Variants in UXS1 observed in about 807,000 individuals in gnomAD.
The protein encoded by UXS1 is UDP-glucuronic acid decarboxylase 1.
In UXS1, 33 loss-of-function variants were observed where a neutral mutation model predicts 62.6. That is an observed-to-expected ratio of 0.53 (90% confidence interval 0.40 to 0.70). The LOEUF (loss-of-function observed/expected upper bound fraction) is 0.70, where lower values mean the gene tolerates loss of function less well. Among genes scored for constraint, UXS1 ranks in the 30% least tolerant of loss-of-function variants. The pLI is 0.00. For missense variants in UXS1, 434 were observed against 556.3 expected, an observed-to-expected ratio of 0.78 and a Z score of 2.21; for synonymous variants, 213 against 206.8, an observed-to-expected ratio of 1.03 and a Z score of -0.26.
At chr2:106,117,797 G>A (rs553416193) in intron 9 of UXS1, among the ~76,000 whole-genome samples, 1 of 152,346 alleles carries the variant, frequency 6.6e-6, no homozygotes, top group South Asian at 2.1e-4. Context: ...GGCCTGTCAT[G>A]CATACATCTC....
intron 5 of UXS1, among the ~76,000 whole-genome samples, chr2:106,155,062 T>C (rs1682329891): frequency 6.6e-6 from 1 of 152,064 alleles, no homozygotes; most frequent in South Asian, 2.1e-4. Context: ...TTTTTAACAA[T>C]CAGGTCTTGT....
At chr2:106,104,931 A>T in intron 10 of UXS1, 94 bp from the exon 11 acceptor site, 5 of 1,484,964 alleles carry the variant, frequency 3.4e-6, no homozygotes, top group Non-Finnish European at 4.7e-6. Context: ...CCGACCTTGA[A>T]ACTGATCCCA....
chr2:106,151,359 A>G (rs1682002539), intron 5 of UXS1, among the ~76,000 whole-genome samples: 1 of 152,202 alleles, frequency 6.6e-6, no homozygotes, highest in Non-Finnish European at 1.5e-5. Context: ...CCAATGCAAC[A>G]GTATTGGGAG....
intron 10 of UXS1, among the ~76,000 whole-genome samples, chr2:106,108,868 G>GA (rs1558683070): frequency 2.6e-5 from 4 of 152,024 alleles, no homozygotes; most frequent in Non-Finnish European, 5.9e-5. Flanking sequence ...CTTCTCCTAG[G>GA]CCCATTTGTG....
chr2:106,144,442 G>A (rs918791305), intron 6 of UXS1, among the ~76,000 whole-genome samples: 2 of 152,118 alleles, frequency 1.3e-5, no homozygotes, highest in African/African-American at 2.4e-5. Context: ...TCACTCAAAC[G>A]AAAAGGCAAA....
At chr2:106,114,794 T>A (rs548995566) in intron 9 of UXS1, among the ~76,000 whole-genome samples, 3 of 152,214 alleles carry the variant, frequency 2.0e-5, no homozygotes, top group Admixed American at 2.0e-4. Context: ...AGCCGTTGAG[T>A]GCAACAACAC....
chr2:106,185,569 A>C (rs1684503488), intron 1 of UXS1, among the ~76,000 whole-genome samples: 1 of 152,274 alleles, frequency 6.6e-6, no homozygotes, highest in African/African-American at 2.4e-5. Flanking sequence ...GACTAAAAGA[A>C]GCTACGGGTC....
chr2:106,104,088 G>T (rs1677835921), intron 11 of UXS1, among the ~76,000 whole-genome samples: 1 of 152,090 alleles, frequency 6.6e-6, no homozygotes, highest in African/African-American at 2.4e-5. Context: ...AAAATATGTG[G>T]GTTCAAAATA....
At chr2:106,144,869 G>A (rs1681434605) in intron 6 of UXS1, among the ~76,000 whole-genome samples, 1 of 152,140 alleles carries the variant, frequency 6.6e-6, no homozygotes, top group Admixed American at 6.5e-5. Flanking sequence ...TGTGGGGCTT[G>A]GGATGCCAAC....
At chr2:106,163,522 T>C (rs757868418) in intron 4 of UXS1, 145 bp downstream of exon 4, 7 of 493,616 alleles carry the variant, frequency 1.4e-5, no homozygotes, top group Non-Finnish European at 2.2e-5. Context: ...CCATGTTCTA[T>C]CTGGGTATTA....
At chr2:106,162,221 T>A (rs1682942551) in intron 4 of UXS1, among the ~76,000 whole-genome samples, 2 of 152,218 alleles carry the variant, frequency 1.3e-5, no homozygotes, top group South Asian at 4.1e-4. Context: ...TTTGCCACTA[T>A]TTTCAAGGCG....
chr2:106,103,725 G>A (rs1677807284), intron 11 of UXS1, among the ~76,000 whole-genome samples: 1 of 152,170 alleles, frequency 6.6e-6, no homozygotes, highest in Non-Finnish European at 1.5e-5. Context: ...TTAATGGGTG[G>A]GGAGGAAAAA....
At chr2:106,180,881 T>C (rs1009509237) in intron 1 of UXS1, among the ~76,000 whole-genome samples, 2 of 152,238 alleles carry the variant, frequency 1.3e-5, no homozygotes, top group Admixed American at 6.5e-5. Flanking sequence ...TGGTGTGGCA[T>C]GGTAGAAAAT....
intron 9 of UXS1, among the ~76,000 whole-genome samples, chr2:106,113,222 A>T (rs2104887098): frequency 6.6e-6 from 1 of 152,364 alleles, no homozygotes; most frequent in Non-Finnish European, 1.5e-5. Context: ...GAAATACAAG[A>T]AAGCTCTCTA....
intron 8 of UXS1, among the ~76,000 whole-genome samples, chr2:106,123,555 CG>C (rs1679697270): frequency 6.6e-6 from 1 of 152,268 alleles, no homozygotes; most frequent in Admixed American, 6.5e-5. Flanking sequence ...ATCTGGGACC[CG>C]TGACAAGTCA....
At chr2:106,190,736 T>C (rs1465273292) in intron 1 of UXS1, among the ~76,000 whole-genome samples, 1 of 96,116 alleles carries the variant, frequency 1.0e-5, no homozygotes, top group African/African-American at 4.2e-5. Flanking sequence ...AAAGCGAAAC[T>C]CTGTATCAAA....
chr2:106,096,183 G>GGTGT (rs61524060), intron 14 of UXS1, among the ~76,000 whole-genome samples: 3 of 151,700 alleles, frequency 2.0e-5, no homozygotes, highest in Non-Finnish European at 4.4e-5. Context: ...CACAGTCAGG[G>GGTGT]GTGTGTGTGT....
intron 1 of UXS1, chr2:106,183,868 C>T (rs1208416650): frequency 6.6e-6 from 1 of 152,166 alleles, no homozygotes; most frequent in African/African-American, 2.4e-5. Flanking sequence ...GCTTGCACCA[C>T]GTGATAGGGT....
rs1573585406 is a variant in UXS1, at chr2:106,182,733, TC to T, written c.94+11414del. ...CCACCTATGAAATGGAGAGAACATC[TC>T]CCCTCTTCACGCCTCACTGCAGGAT... On this transcript the variant is annotated intron_variant, in intron 1 of 14. Transcript: ENST00000283148. Among the ~76,000 whole-genome samples, 3 of 130,944 alleles carry T rather than the reference TC, an allele frequency of 2.3e-5. No homozygotes were observed. The South Asian group carries it at 7.5e-4, about 33-fold the overall frequency. 85.9% of individuals were successfully genotyped at this position (130,944 alleles called of 152,430 possible).
Sources: gnomAD v4.1 joint callset for allele counts (sites outside exome capture counted in the v4.1 genomes callset) on GRCh38, gnomAD v4.1.1 for gene constraint, MANE v1.5 for transcripts, NCBI Gene and HGNC (gene_info 2026-07-23, HGNC 2026-07-21) for gene names.